Variants in PHLPP2 observed in about 807,000 individuals in gnomAD.
PHLPP2 encodes the protein PH domain leucine-rich repeat-containing protein phosphatase 2.
A neutral mutation model predicts 124.9 loss-of-function variants in PHLPP2; 66 were observed. That is an observed-to-expected ratio of 0.53 (90% confidence interval 0.43 to 0.65). The LOEUF (loss-of-function observed/expected upper bound fraction) is 0.65. Among genes scored for constraint, PHLPP2 ranks in the 30% least tolerant of loss-of-function variants. PHLPP2 has a pLI of 0.00. For missense variants in PHLPP2, 1,685 were observed against 1,600.4 expected (o/e 1.05, Z -0.90); for synonymous variants, 681 against 624.7 (o/e 1.09, Z -1.34).
At chr16:71,653,095 CCTT>C (rs1338416336) in intron 17 of PHLPP2, 74 bp from the exon 18 acceptor site, 116 of 768,850 alleles carry the variant, frequency 1.5e-4, no homozygotes, top group Middle Eastern at 4.8e-4. Flanking sequence ...CACGTACATC[CCTT>C]CTTTTTTTTT....
chr16:71,716,998 G>A (rs968226160), intron 1 of PHLPP2, among the ~76,000 whole-genome samples: 6 of 152,172 alleles, frequency 3.9e-5, no homozygotes, highest in African/African-American at 1.2e-4. Flanking sequence ...TGACACAGAA[G>A]TGTTTGTAGA....
chr16:71,668,902 A>C (rs372511931), intron 11 of PHLPP2, among the ~76,000 whole-genome samples: 17 of 152,350 alleles, frequency 1.1e-4, no homozygotes, highest in Admixed American at 9.1e-4. Context: ...TAAATATATG[A>C]TAAGGTTTTT....
At chr16:71,687,363 AC>A (rs1237050747) in intron 4 of PHLPP2, among the ~76,000 whole-genome samples, 1 of 152,190 alleles carries the variant, frequency 6.6e-6, no homozygotes, top group Non-Finnish European at 1.5e-5. Context: ...TATTAATATA[AC>A]CACACCAGTT....
rs2044733058 is a variant in PHLPP2, at chr16:71,655,328, A to G, written c.2497T>C (p.Cys833Arg). Residue 833 changes from cysteine (C) to arginine (R), a missense_variant, in exon 17 of 19, where the codon TGT becomes CGT. Transcript: ENST00000568954. ...RNEELPRLLQ[C>R]TMADVLLEEV... Reference sequence around the variant, plus strand: ...TCTAAAAGCACATCTGCCATCGTACACTGCAGCAGGCGCGGGAGCTCCTCA... The same window carrying G: ...TCTAAAAGCACATCTGCCATCGTACGCTGCAGCAGGCGCGGGAGCTCCTCA... The G allele has an allele frequency of 1.2e-6, 2 of 1,613,868 alleles. No homozygotes were observed. Among genetic ancestry groups the G allele is most frequent in the Non-Finnish European group, 1.7e-6 (2 of 1,179,850 alleles).
intron 11 of PHLPP2, among the ~76,000 whole-genome samples, chr16:71,668,022 G>A (rs1410539263): frequency 1.3e-5 from 2 of 151,992 alleles, no homozygotes; most frequent in African/African-American, 4.8e-5. Flanking sequence ...ATCTAGTAAA[G>A]GTCAATTCAA....
intron 13 of PHLPP2, among the ~76,000 whole-genome samples, chr16:71,661,633 A>C (rs1180897334): frequency 6.6e-6 from 1 of 152,030 alleles, no homozygotes; most frequent in Admixed American, 6.6e-5. Flanking sequence ...TTCATTTTAG[A>C]AGTCATTAAA....
In PHLPP2 at chr16:71,647,547, A is replaced by C. The variant is rs150530680; in HGVS notation, c.*1343T>G. 1 of 152,202 alleles carries C rather than the reference A, an allele frequency of 6.6e-6. No homozygotes were observed. The highest frequency in any genetic ancestry group is 1.5e-5 in the Non-Finnish European group (1 of 68,066). 9.4% of individuals were successfully genotyped at this position (152,202 alleles called of 1,614,324 possible). ...CTGAGTGCTCCATCCATCTGTTCTC[A>C]TTGGCCTCAGTCCGTTTCAGAGTCA... is the stretch of plus-strand genomic sequence containing the variant. On this transcript the variant is annotated 3_prime_UTR_variant, in exon 19 of 19. Coordinates refer to ENST00000568954, the MANE Select transcript of PHLPP2 (RefSeq NM_015020.3).
intron 1 of PHLPP2, among the ~76,000 whole-genome samples, chr16:71,720,803 C>A (rs1433891672): frequency 1.3e-5 from 2 of 148,674 alleles, no homozygotes; most frequent in Non-Finnish European, 3.0e-5. Flanking sequence ...GGCGGTGAGC[C>A]AAGATCGTGC....
In PHLPP2 at chr16:71,645,590, T is replaced by A. The variant is rs1194987919; in HGVS notation, c.*3300A>T. 6.5e-6 allele frequency: 1 copy of A among 152,870 alleles called. No homozygotes were observed. Among genetic ancestry groups the A allele is most frequent in the East Asian group, 1.9e-4 (1 of 5,192 alleles). The allele number at this position is 152,870 out of a possible 1,614,324, so 9.5% of individuals were successfully genotyped here. ...TACCGGCTTTTGCTGAAGGTCTACA[T>A]GGGAAGAAGAGCATCATTTGATATT... On this transcript the variant is annotated 3_prime_UTR_variant, in exon 19 of 19. Coordinates refer to ENST00000568954, the MANE Select transcript of PHLPP2 (RefSeq NM_015020.3).
chr16:71,711,475 G>C (rs2045323844), intron 2 of PHLPP2, among the ~76,000 whole-genome samples: 1 of 152,148 alleles, frequency 6.6e-6, no homozygotes, highest in South Asian at 2.1e-4. Context: ...TGTTACTATG[G>C]GGAGGCAATA....
At chr16:71,690,480 A>T in intron 4 of PHLPP2, 39 bp downstream of exon 4, 1 of 1,331,630 alleles carries the variant, frequency 7.5e-7, no homozygotes, top group Non-Finnish European at 1.1e-6. Context: ...CTTAATTAAG[A>T]TGATCAAATG....
At chr16:71,676,377 T>C in intron 9 of PHLPP2, 70 bp downstream of exon 9, 1 of 1,211,548 alleles carries the variant, frequency 8.3e-7, no homozygotes, top group Non-Finnish European at 1.2e-6. Context: ...ACACCACAGG[T>C]GCCACTGTTC....
At chr16:71,713,673 A>C (rs2045338088) in intron 2 of PHLPP2, among the ~76,000 whole-genome samples, 1 of 152,204 alleles carries the variant, frequency 6.6e-6, no homozygotes, top group Non-Finnish European at 1.5e-5. Context: ...ACATGGAAAG[A>C]TCTCTAAAAG....
intron 15 of PHLPP2, among the ~76,000 whole-genome samples, chr16:71,657,653 C>A (rs1441953628): frequency 6.6e-6 from 1 of 152,114 alleles, no homozygotes; most frequent in African/African-American, 2.4e-5. Flanking sequence ...CTTGGCCTCC[C>A]AAAGTGCTGG....
intron 10 of PHLPP2, among the ~76,000 whole-genome samples, chr16:71,670,695 A>ACACACACACACAC: frequency 7.8e-6 from 1 of 129,024 alleles, no homozygotes; most frequent in African/African-American, 3.0e-5. Flanking sequence ...AGAGGCTGAA[A>ACACACACACACAC]ACACACACAC....
chr16:71,719,887 GC>G (rs1377825277), intron 1 of PHLPP2, among the ~76,000 whole-genome samples: 1 of 149,130 alleles, frequency 6.7e-6, no homozygotes, highest in Non-Finnish European at 1.5e-5. Context: ...AACCTCCACC[GC>G]CCGGGTTCAA....
chr16:71,704,175 G>A (rs922317509), intron 2 of PHLPP2, among the ~76,000 whole-genome samples: 1 of 151,968 alleles, frequency 6.6e-6, no homozygotes, highest in African/African-American at 2.4e-5. Context: ...GCCAGGCATG[G>A]TGGCGGGCAC....
chr16:71,689,386 T>A (rs998075804), intron 4 of PHLPP2, among the ~76,000 whole-genome samples: 2 of 61,522 alleles, frequency 3.3e-5, no homozygotes, highest in Admixed American at 1.4e-4. Context: ...TACACCTGGC[T>A]TTTTTTTTTT....
At chr16:71,689,098 C>T (rs2045081447) in intron 4 of PHLPP2, among the ~76,000 whole-genome samples, 1 of 152,176 alleles carries the variant, frequency 6.6e-6, no homozygotes, top group Non-Finnish European at 1.5e-5. Context: ...TTATAAGAGC[C>T]AAATTCCGAG....
Sources: allele counts gnomAD v4.1 joint callset (sites outside exome capture counted in the v4.1 genomes callset), GRCh38; gene constraint gnomAD v4.1.1; transcripts MANE v1.5; gene names NCBI Gene and HGNC (gene_info 2026-07-23, HGNC 2026-07-21).